MED27: variants seen among roughly 807,000 people sequenced by gnomAD.
MED27 encodes the protein mediator complex subunit 27, also known as mediator of RNA polymerase II transcription subunit 27.
Under a neutral mutation model 38.2 loss-of-function variants are expected in MED27, and 30 were observed. The ratio of observed to expected loss-of-function variants is 0.79; its 90% CI spans 0.59 to 1.07. The LOEUF is 1.07. Ranked by LOEUF, MED27 falls within the 50% of genes least tolerant of loss-of-function variation. The probability of loss-of-function intolerance (pLI) is 0.00; values close to 1 mark genes in which losing one functional copy is unlikely to be tolerated. For synonymous variants in MED27, 122 were observed against 153.5 expected, an observed-to-expected ratio of 0.79 and a Z score of 1.52; for missense variants, 289 against 397.5, an observed-to-expected ratio of 0.73 and a Z score of 2.32.
At chr9:131,878,839 C>T (rs528927124) in intron 6 of MED27, among the ~76,000 whole-genome samples, 1 of 151,964 alleles carries the variant, frequency 6.6e-6, no homozygotes, top group Admixed American at 6.6e-5. Context: ...CCACCCCGCC[C>T]ATTTCTAAGT....
chr9:131,914,051 T>C (rs909300013), intron 4 of MED27, among the ~76,000 whole-genome samples: 2 of 152,314 alleles, frequency 1.3e-5, no homozygotes, highest in African/African-American at 4.8e-5. Flanking sequence ...GATAAAATTA[T>C]ATTCTTCTGG....
At chr9:132,062,532 C>T (rs1355305086) in intron 2 of MED27, among the ~76,000 whole-genome samples, 5 of 152,072 alleles carry the variant, frequency 3.3e-5, no homozygotes, top group African/African-American at 1.2e-4. Flanking sequence ...AGCTGGGGTG[C>T]AATGGGAGCC....
At position 131,863,551 on chromosome 9, in the gene MED27, C is replaced by T. The variant is rs151219131; in HGVS notation, c.724-411G>A. On this transcript the variant is annotated intron_variant, in intron 6 of 7. Coordinates refer to ENST00000292035, the MANE Select transcript of MED27 (RefSeq NM_004269.4). ...CCGGTACGCACACTTCCTCTTCCTC[C>T]TGCGATGGTTTTCCCAACAGGGCAA... Among the ~76,000 whole-genome samples the T allele has an allele frequency of 4.1e-4, 63 of 152,358 alleles. 1 individual carries two copies. Among genetic ancestry groups the T allele is most frequent in the Middle Eastern group, 3.4e-3 (1 of 294 alleles).
intron 6 of MED27, among the ~76,000 whole-genome samples, chr9:131,869,640 A>AG (rs1306917522): frequency 6.6e-6 from 1 of 152,186 alleles, no homozygotes; most frequent in Admixed American, 6.5e-5. Context: ...AAAGGGAGGG[A>AG]GGAGAAGGCA....
intron 2 of MED27, among the ~76,000 whole-genome samples, chr9:132,019,239 C>A (rs2131083720): frequency 6.6e-6 from 1 of 152,234 alleles, no homozygotes; most frequent in East Asian, 1.9e-4. Context: ...TGTACAATGT[C>A]CAGGATAGTG....
At chr9:131,864,633 T>C (rs1046916045) in intron 6 of MED27, among the ~76,000 whole-genome samples, 1 of 152,262 alleles carries the variant, frequency 6.6e-6, no homozygotes, top group Non-Finnish European at 1.5e-5. Flanking sequence ...GCTGAACCCA[T>C]GCAGGCGCAG....
At chr9:131,973,369 G>A (rs1286186153) in intron 3 of MED27, among the ~76,000 whole-genome samples, 1 of 152,064 alleles carries the variant, frequency 6.6e-6, no homozygotes, top group African/African-American at 2.4e-5. Context: ...TGCATGTGAT[G>A]TGTGACCATT....
intron 3 of MED27, among the ~76,000 whole-genome samples, chr9:131,992,920 G>A (rs1364226700): frequency 2.0e-5 from 3 of 152,176 alleles, no homozygotes; most frequent in Non-Finnish European, 4.4e-5. Context: ...TCACAAACAC[G>A]GTACTCTCAT....
At chr9:131,866,874 C>T (rs946008060) in intron 6 of MED27, among the ~76,000 whole-genome samples, 10 of 152,222 alleles carry the variant, frequency 6.6e-5, no homozygotes, top group African/African-American at 1.7e-4. Flanking sequence ...CTGCAGCACC[C>T]GGTGTCTGCC....
intron 6 of MED27, among the ~76,000 whole-genome samples, chr9:131,865,795 C>A (rs1411783877): frequency 6.6e-6 from 1 of 152,208 alleles, no homozygotes; most frequent in Non-Finnish European, 1.5e-5. Context: ...CATTTTTAAA[C>A]ACAAATGACC....
intron 2 of MED27, among the ~76,000 whole-genome samples, chr9:132,028,870 C>T (rs79663866): frequency 0.027 from 4,165 of 152,236 alleles, 60 homozygotes; most frequent in South Asian, 0.06. Flanking sequence ...CTGTAACAAG[C>T]ACCCCCAGGC....
At chr9:131,867,239 C>T (rs1838752980) in intron 6 of MED27, among the ~76,000 whole-genome samples, 1 of 152,178 alleles carries the variant, frequency 6.6e-6, no homozygotes, top group Non-Finnish European at 1.5e-5. Context: ...GAGCCAGGGG[C>T]CTGAAAGGAG....
intron 3 of MED27, among the ~76,000 whole-genome samples, chr9:131,981,781 G>C (rs1319139450): frequency 6.6e-6 from 1 of 152,194 alleles, no homozygotes; most frequent in Non-Finnish European, 1.5e-5. Context: ...CAGGGAGAGG[G>C]GGCACACGGC....
At chr9:131,922,865 C>T (rs1411459726) in intron 4 of MED27, among the ~76,000 whole-genome samples, 1 of 152,062 alleles carries the variant, frequency 6.6e-6, no homozygotes, top group Non-Finnish European at 1.5e-5. Context: ...CCACCATTCT[C>T]GGCCTCCCAA....
chr9:131,863,008 T>G, intron 7 of MED27, 55 bp downstream of exon 7: 2 of 1,491,640 alleles, frequency 1.3e-6, no homozygotes, highest in Non-Finnish European at 1.9e-6. Flanking sequence ...CTCCCTGTTC[T>G]CACTTGAAGG....
At chr9:132,036,864 A>G (rs1278234269) in intron 2 of MED27, among the ~76,000 whole-genome samples, 1 of 152,188 alleles carries the variant, frequency 6.6e-6, no homozygotes, top group Non-Finnish European at 1.5e-5. Flanking sequence ...TTTGTGTCAA[A>G]TGCCACAAAG....
intron 4 of MED27, among the ~76,000 whole-genome samples, chr9:131,909,555 G>C (rs1482503606): frequency 6.6e-6 from 1 of 152,244 alleles, no homozygotes; most frequent in Non-Finnish European, 1.5e-5. Flanking sequence ...GCTTGCATTA[G>C]AAGGGTGCCA....
intron 2 of MED27, among the ~76,000 whole-genome samples, chr9:132,069,885 T>C (rs1182083613): frequency 6.6e-6 from 1 of 152,214 alleles, no homozygotes; most frequent in East Asian, 1.9e-4. Context: ...TAGAATGCTC[T>C]GTCAGAGTTC....
At chr9:131,944,658 A>C (rs1335338751) in intron 3 of MED27, among the ~76,000 whole-genome samples, 1 of 151,838 alleles carries the variant, frequency 6.6e-6, no homozygotes, top group Non-Finnish European at 1.5e-5. Context: ...CAGCCTCCCA[A>C]GTAGCTGGGA....
Sources: gnomAD v4.1 joint callset for allele counts (sites outside exome capture counted in the v4.1 genomes callset) on GRCh38, gnomAD v4.1.1 for gene constraint, MANE v1.5 for transcripts, NCBI Gene and HGNC (gene_info 2026-07-23, HGNC 2026-07-21) for gene names.